Variants in PPP1R2 observed in about 807,000 individuals in gnomAD.
PPP1R2 encodes the protein protein phosphatase inhibitor 2.
Under a neutral mutation model 29.9 loss-of-function variants are expected in PPP1R2, and 16 were observed. The ratio of observed to expected loss-of-function variants is 0.53; its 90% confidence interval spans 0.36 to 0.81. The LOEUF is 0.81. PPP1R2 is among the 30% of genes least tolerant of loss of function. The pLI, the probability that PPP1R2 is intolerant of heterozygous loss-of-function variation, is 0.00. For synonymous variants in PPP1R2, 76 were observed against 91.5 expected (o/e 0.83, Z 0.96); for missense variants, 197 against 252.7 (o/e 0.78, Z 1.49).
intron 1 of PPP1R2, among the ~76,000 whole-genome samples, chr3:195,539,218 G>A (rs1719501004): frequency 6.6e-6 from 1 of 152,124 alleles, no homozygotes; most frequent in Non-Finnish European, 1.5e-5. Flanking sequence ...CATAAGTTGT[G>A]CCCTATATTC....
chr3:195,524,739 G>T, intron 3 of PPP1R2, 80 bp downstream of exon 3: 1 of 1,333,584 alleles, frequency 7.5e-7, no homozygotes, highest in Non-Finnish European at 1.1e-6. Context: ...CTCATACAGG[G>T]ACAGCCACGC....
intron 1 of PPP1R2, among the ~76,000 whole-genome samples, chr3:195,539,149 G>A (rs980711118): frequency 7.0e-4 from 107 of 152,144 alleles, no homozygotes; most frequent in African/African-American, 2.5e-3. Flanking sequence ...AGAATCAACA[G>A]TGTCTTCTTT....
At chr3:195,532,214 TC>T (rs958596788) in intron 1 of PPP1R2, among the ~76,000 whole-genome samples, 2 of 96,230 alleles carry the variant, frequency 2.1e-5, no homozygotes, top group African/African-American at 7.3e-5. Flanking sequence ...TTTTTCTTTT[TC>T]TTTTTTTTTT....
rs1383212719 is a variant in PPP1R2, at chr3:195,516,165, GAA to G, written c.*729_*730del. On this transcript the variant is annotated 3_prime_UTR_variant, in exon 6 of 6. Coordinates refer to ENST00000618156, the MANE Select transcript of PPP1R2 (RefSeq NM_006241.8). ...ATTTATTTTTTTAAAAAACTGCTCTGAAGTCTGCCCAGTGTACCAAAAACATT... is the reference window on the plus strand; with the variant it reads ...ATTTATTTTTTTAAAAAACTGCTCTGGTCTGCCCAGTGTACCAAAAACATT... 5.9e-5 allele frequency: 9 copies of G among 152,520 alleles called. No homozygotes were observed. The highest frequency in any genetic ancestry group is 1.2e-4 in the Non-Finnish European group (8 of 67,970). The allele number at this position is 152,520 out of a possible 1,614,324, so 9.4% of individuals were successfully genotyped here. A position where few individuals can be genotyped will look rare whatever the true frequency, so the allele number is the denominator to read the frequency against.
intron 1 of PPP1R2, among the ~76,000 whole-genome samples, chr3:195,538,514 T>C (rs1407100603): frequency 1.5e-5 from 1 of 67,404 alleles, no homozygotes; most frequent in African/African-American, 6.3e-5. Flanking sequence ...AAAGTAACTT[T>C]TAGAAAACAA....
chr3:195,523,725 C>T lies in PPP1R2; in HGVS notation c.370G>A (p.Glu124Lys). 6.2e-7 allele frequency: 1 copy of T among 1,614,152 alleles called. No homozygotes were observed. The highest frequency in any genetic ancestry group is 8.5e-7 in the Non-Finnish European group (1 of 1,180,028). ...YRIQEQESSG[E>K]EDSDLSPEER... Reference sequence around the variant, plus strand: ...TCAGGTGAGAGGTCACTATCCTCCTCTCCACTGCTTTCTTGTTCCTGAATC... The same window carrying T: ...TCAGGTGAGAGGTCACTATCCTCCTTTCCACTGCTTTCTTGTTCCTGAATC... Residue 124 changes from glutamate to lysine, a missense_variant, in exon 4 of 6, where the codon GAG becomes AAG. Transcript: ENST00000618156.
chr3:195,527,108 A>C (rs1017075443), intron 2 of PPP1R2, among the ~76,000 whole-genome samples: 3 of 151,166 alleles, frequency 2.0e-5, no homozygotes, highest in African/African-American at 4.9e-5. Context: ...TTTTTTGTGG[A>C]GATAAGAGTC....
intron 1 of PPP1R2, among the ~76,000 whole-genome samples, chr3:195,536,123 T>C (rs945623928): frequency 6.6e-6 from 1 of 152,148 alleles, no homozygotes; most frequent in African/African-American, 2.4e-5. Flanking sequence ...ATTGTTTATA[T>C]TACCTGTAAG....
At chr3:195,540,937 G>A (rs1463662393) in intron 1 of PPP1R2, among the ~76,000 whole-genome samples, 1 of 152,136 alleles carries the variant, frequency 6.6e-6, no homozygotes. Context: ...TAGTTTATTT[G>A]CTTTACAGTC....
rs185451642 is a variant in PPP1R2 at position 195,516,720 on chromosome 3, C to T, written c.*176G>A. The T allele has an allele frequency of 3.9e-5, 23 of 590,386 alleles. No individual in the cohort carries two copies. Among genetic ancestry groups the T allele is most frequent in the Non-Finnish European group, 6.3e-5 (21 of 333,014 alleles). 36.6% of individuals were successfully genotyped at this position (590,386 alleles called of 1,614,324 possible). On this transcript the variant is annotated 3_prime_UTR_variant, in exon 6 of 6. Coordinates refer to ENST00000618156, the MANE Select transcript of PPP1R2 (RefSeq NM_006241.8). ...GTACTAGGCACAAGAATATATATAT[C>T]GATTAGGCATTTTCAGTCTAATCAG...
intron 4 of PPP1R2, among the ~76,000 whole-genome samples, chr3:195,520,807 C>G (rs2108938972): frequency 6.6e-6 from 1 of 152,106 alleles, no homozygotes; most frequent in Admixed American, 6.5e-5. Context: ...ATGCGTGCCA[C>G]CACACCTGGC....
chr3:195,538,976 C>A (rs1332944217), intron 1 of PPP1R2, among the ~76,000 whole-genome samples: 1 of 152,194 alleles, frequency 6.6e-6, no homozygotes, highest in East Asian at 1.9e-4. Context: ...AAACTATAAT[C>A]CTTCTCAAAT....
chr3:195,519,992 A>G (rs941750669), intron 4 of PPP1R2, among the ~76,000 whole-genome samples: 70 of 151,428 alleles, frequency 4.6e-4, no homozygotes, highest in African/African-American at 1.5e-3. Flanking sequence ...AACAGCATTA[A>G]AATTATTCAC....
intron 1 of PPP1R2, among the ~76,000 whole-genome samples, chr3:195,542,255 T>C (rs1355662418): frequency 6.6e-6 from 1 of 152,196 alleles, no homozygotes; most frequent in African/African-American, 2.4e-5. Flanking sequence ...AATTATATTA[T>C]AAATATTACA....
rs150119072 is a variant in PPP1R2, at chr3:195,537,481, T to TTTTGTG, written c.122+5422_122+5423insCACAAA. Among the ~76,000 whole-genome samples, 71 of 128,572 alleles carry TTTTGTG rather than the reference T, an allele frequency of 5.5e-4. 3 individuals carry two copies. The highest frequency in any genetic ancestry group is 4.0e-3 in the Middle Eastern group (1 of 250). The allele number at this position is 128,572 out of a possible 152,430, so 84.3% of individuals were successfully genotyped here. On this transcript the variant is annotated intron_variant, in intron 1 of 5. Transcript: ENST00000618156. ...ACCAAACCATTGCTAGGATTAGCTA[T>TTTTGTG]TGTGTGTGTGTGTGTGTGTGTGTGT...
intron 1 of PPP1R2, among the ~76,000 whole-genome samples, chr3:195,530,415 CAAAT>C (rs1719133517): frequency 6.6e-6 from 1 of 152,176 alleles, no homozygotes; most frequent in African/African-American, 2.4e-5. Context: ...CATTAGATTG[CAAAT>C]AAATTACAGC....
chr3:195,528,702 A>ACTTTT (rs1719069862), intron 2 of PPP1R2: 1 of 59,968 alleles, frequency 1.7e-5, no homozygotes, highest in African/African-American at 7.9e-5. Context: ...GGGCATAACT[A>ACTTTT]TTTTTTTTTT....
At chr3:195,517,023 T>C in intron 5 of PPP1R2, 81 bp from the exon 6 acceptor site, 1 of 1,089,736 alleles carries the variant, frequency 9.2e-7, no homozygotes, top group Non-Finnish European at 1.4e-6. Flanking sequence ...TTAGCATGCA[T>C]GACAAGCAAA....
intron 4 of PPP1R2, among the ~76,000 whole-genome samples, chr3:195,521,751 A>G (rs1718771309): frequency 6.6e-6 from 1 of 152,090 alleles, no homozygotes; most frequent in African/African-American, 2.4e-5. Flanking sequence ...CCCAGGTTCA[A>G]GCAATTCTTG....
Sources: allele counts gnomAD v4.1 joint callset (sites outside exome capture counted in the v4.1 genomes callset), GRCh38; gene constraint gnomAD v4.1.1; transcripts MANE v1.5; gene names NCBI Gene and HGNC (gene_info 2026-07-23, HGNC 2026-07-21).